Variants in LRRN1 observed in about 807,000 individuals in gnomAD.
LRRN1 encodes the protein leucine-rich repeat neuronal protein 1.
Under a neutral mutation model 45.8 loss-of-function variants are expected in LRRN1, and 14 were observed. That is an observed-to-expected ratio of 0.31 (90% confidence interval 0.20 to 0.48). The LOEUF (loss-of-function observed/expected upper bound fraction) is 0.48. Among genes scored for constraint, LRRN1 ranks in the 20% least tolerant of loss-of-function variants. The pLI is 0.99. For missense variants in LRRN1, 789 were observed against 874.2 expected, an observed-to-expected ratio of 0.90 and a Z score of 1.23; for synonymous variants, 359 against 330.1, an observed-to-expected ratio of 1.09 and a Z score of -0.95.
At chr3:3,815,813 C>G (rs1692975477) in intron 1 of LRRN1, among the ~76,000 whole-genome samples, 2 of 152,216 alleles carry the variant, frequency 1.3e-5, no homozygotes, top group South Asian at 4.2e-4. Flanking sequence ...ATCAAAAACT[C>G]TACAGAAATT....
intron 1 of LRRN1, among the ~76,000 whole-genome samples, chr3:3,802,583 G>A (rs1312614527): frequency 6.6e-6 from 1 of 152,160 alleles, no homozygotes; most frequent in Non-Finnish European, 1.5e-5. Context: ...TGCAGGTTCA[G>A]TGCCTTTTAT....
intron 1 of LRRN1, among the ~76,000 whole-genome samples, chr3:3,821,805 C>T (rs1254079155): frequency 6.6e-6 from 1 of 152,158 alleles, no homozygotes; most frequent in African/African-American, 2.4e-5. Flanking sequence ...AACCTATTGT[C>T]ATATTTGGGT....
In LRRN1 at chr3:3,848,891, C is replaced by T. The variant is rs189696247; in HGVS notation, c.*2099C>T. Among the ~76,000 whole-genome samples the T allele has an allele frequency of 2.0e-5, 3 of 152,278 alleles. No individual in the cohort carries two copies. The highest frequency in any genetic ancestry group is 6.5e-5 in the Admixed American group (1 of 15,300). On this transcript the variant is annotated 3_prime_UTR_variant, in exon 2 of 2. Transcript: ENST00000319331. ...AAAAATGCAGTACATCCTCAAGTTC[C>T]CATTTACTCAGGATACATTTTAGCA...
At chr3:3,833,784 G>C (rs1280572592) in intron 1 of LRRN1, among the ~76,000 whole-genome samples, 1 of 152,134 alleles carries the variant, frequency 6.6e-6, no homozygotes, top group Non-Finnish European at 1.5e-5. Context: ...GTTGGGGAGG[G>C]GATGTTGCCA....
At chr3:3,829,901 A>G (rs980317107) in intron 1 of LRRN1, among the ~76,000 whole-genome samples, 1 of 152,188 alleles carries the variant, frequency 6.6e-6, no homozygotes, top group Non-Finnish European at 1.5e-5. Flanking sequence ...AAGAGGTCCA[A>G]TATAATCAGG....
chr3:3,803,007 A>G (rs1196527635), intron 1 of LRRN1, among the ~76,000 whole-genome samples: 2 of 152,180 alleles, frequency 1.3e-5, no homozygotes, highest in Non-Finnish European at 2.9e-5. Context: ...TTAGAAAAGG[A>G]TCATTCTGCT....
Position 3,846,983 on chromosome 3 carries a change from T to G in LRRN1, c.*191T>G, listed in dbSNP as rs1693794237. The G allele has an allele frequency of 2.1e-6, 1 of 476,342 alleles. No individual in the cohort carries two copies. Among genetic ancestry groups the G allele is most frequent in the African/African-American group, 2.0e-5 (1 of 50,424 alleles). The allele number at this position is 476,342 out of a possible 1,614,324, so 29.5% of individuals were successfully genotyped here. ...AGGGTTTGACACGGCTGCCAGCGAC[T>G]CTAGGCTTCCAGTCTGTGTTTGGTT... is the stretch of plus-strand genomic sequence containing the variant. On this transcript the variant is annotated 3_prime_UTR_variant, in exon 2 of 2. Coordinates refer to ENST00000319331, the MANE Select transcript of LRRN1 (RefSeq NM_020873.7). The surrounding 1 kb of genome is among the most constrained non-coding windows in gnomAD (Gnocchi z 5.7).
chr3:3,845,498 T>C lies in LRRN1; in HGVS notation c.857T>C (p.Met286Thr), dbSNP rs1471863145. 1.2e-6 allele frequency: 2 copies of C among 1,614,124 alleles called. No homozygotes were observed. The highest frequency in any genetic ancestry group is 1.6e-4 in the Middle Eastern group (1 of 6,062). The change falls in exon 2 of 2, where the codon ATG (methionine) becomes ACG (threonine). Residue 286 changes from methionine (M) to threonine (T), a missense_variant. Transcript: ENST00000319331. The surrounding 1 kb of genome is among the most constrained non-coding windows in gnomAD (Gnocchi z 6.5). ...ATCCAAGAAGGGGACTTCAAAAATATGCTTCGGTTAAAAGAACTGGGAATC... is the reference window on the plus strand; with the variant it reads ...ATCCAAGAAGGGGACTTCAAAAATACGCTTCGGTTAAAAGAACTGGGAATC... ...HKIQEGDFKN[M>T]LRLKELGINN...
chr3:3,841,280 G>A (rs1162484816), intron 1 of LRRN1, among the ~76,000 whole-genome samples: 3 of 92,336 alleles, frequency 3.2e-5, no homozygotes, highest in African/African-American at 4.1e-5. Flanking sequence ...GACAGAGCGA[G>A]ACTTTGTCTC....
At chr3:3,808,445 T>C (rs2106451519) in intron 1 of LRRN1, among the ~76,000 whole-genome samples, 1 of 152,320 alleles carries the variant, frequency 6.6e-6, no homozygotes, top group African/African-American at 2.4e-5. Context: ...TAATAAATAT[T>C]TGTCAAGTGA....
At chr3:3,808,667 G>A (rs1463183511) in intron 1 of LRRN1, among the ~76,000 whole-genome samples, 3 of 152,136 alleles carry the variant, frequency 2.0e-5, no homozygotes, top group African/African-American at 7.2e-5. Context: ...AAAGTGCTTG[G>A]CTATATTTCT....
intron 1 of LRRN1, among the ~76,000 whole-genome samples, chr3:3,842,781 C>T (rs1693676417): frequency 6.6e-6 from 1 of 152,176 alleles, no homozygotes; most frequent in African/African-American, 2.4e-5. Flanking sequence ...GCTTCGAATA[C>T]TTTAGCAAGT....
intron 1 of LRRN1, among the ~76,000 whole-genome samples, chr3:3,824,158 A>G (rs1693167207): frequency 6.6e-6 from 1 of 152,214 alleles, no homozygotes; most frequent in Non-Finnish European, 1.5e-5. Context: ...ATGAGTTGAC[A>G]TCATTGTAAA....
intron 1 of LRRN1, among the ~76,000 whole-genome samples, chr3:3,835,586 T>A (rs1338422125): frequency 1.1e-5 from 1 of 90,086 alleles, no homozygotes; most frequent in Non-Finnish European, 2.4e-5. Flanking sequence ...GCTGCCTGAT[T>A]TTTTTTTTTT....
At chr3:3,830,340 C>T (rs1693338940) in intron 1 of LRRN1, among the ~76,000 whole-genome samples, 1 of 152,220 alleles carries the variant, frequency 6.6e-6, no homozygotes. Flanking sequence ...CCAGCCAAAC[C>T]ATTGGCTACA....
intron 1 of LRRN1, among the ~76,000 whole-genome samples, chr3:3,836,397 A>G (rs573486239): frequency 1.7e-4 from 26 of 152,294 alleles, no homozygotes; most frequent in Middle Eastern, 3.4e-3. Flanking sequence ...TTCTGTTTCT[A>G]TGATTTTGGC....
chr3:3,829,180 A>G (rs1471448216), intron 1 of LRRN1, among the ~76,000 whole-genome samples: 1 of 151,946 alleles, frequency 6.6e-6, no homozygotes, highest in East Asian at 1.9e-4. Context: ...TTCCATCATA[A>G]AGTAGTAGAC....
Position 3,844,489 on chromosome 3 carries a change from C to A in LRRN1, c.-153C>A. The A allele has an allele frequency of 1.6e-6, 1 of 616,986 alleles. No individual in the cohort carries two copies. Among genetic ancestry groups the A allele is most frequent in the East Asian group, 2.8e-5 (1 of 35,184 alleles). The allele number at this position is 616,986 out of a possible 1,614,324, so 38.2% of individuals were successfully genotyped here. A position where few individuals can be genotyped will look rare whatever the true frequency, so the allele number is the denominator to read the frequency against. ...CTGCCTTTTGAAAACTCCTGAAAAC[C>A]ATCCCTTTGGACTCTGGAATTCTAC... On this transcript the variant is annotated 5_prime_UTR_variant, in exon 2 of 2. Coordinates refer to ENST00000319331, the MANE Select transcript of LRRN1 (RefSeq NM_020873.7).
At chr3:3,802,294 C>G (rs968227199) in intron 1 of LRRN1, among the ~76,000 whole-genome samples, 1 of 152,204 alleles carries the variant, frequency 6.6e-6, no homozygotes, top group Non-Finnish European at 1.5e-5. Flanking sequence ...GTGGGCCGCA[C>G]GTGAGGCAGG....
Sources: allele counts gnomAD v4.1 joint callset (sites outside exome capture counted in the v4.1 genomes callset), GRCh38; gene constraint gnomAD v4.1.1; non-coding constraint Gnocchi (gnomAD v3.1); transcripts MANE v1.5; gene names NCBI Gene and HGNC (gene_info 2026-07-23, HGNC 2026-07-21).